FBXL2: variants seen among roughly 807,000 people sequenced by gnomAD.
The protein encoded by FBXL2 is F-box and leucine rich repeat protein 2.
FBXL2 carries 38 observed loss-of-function variants against 69.2 expected under a neutral mutation model. The observed-to-expected ratio is 0.55, with a 90% CI of 0.42 to 0.72. The LOEUF (loss-of-function observed/expected upper bound fraction) is 0.72, where lower values mean the gene tolerates loss of function less well. Among genes scored for constraint, FBXL2 ranks in the 30% least tolerant of loss-of-function variants. FBXL2 has a pLI of 0.00. For synonymous variants in FBXL2, 192 were observed against 201.3 expected (o/e 0.95, Z 0.39); for missense variants, 354 against 520.3 (o/e 0.68, Z 3.11).
At chr3:33,277,323 G>C, upstream of FBXL2, 1 of 441,160 alleles carries the variant, frequency 2.3e-6, no homozygotes, top group Non-Finnish European at 3.8e-6. Flanking sequence ...CCCAGTTCCA[G>C]GGCCGGGGGC....
chr3:33,391,486 C>A (rs116770014), downstream of FBXL2: 6 of 152,198 alleles, frequency 3.9e-5, no homozygotes, highest in Admixed American at 3.3e-4. Flanking sequence ...TCCAAATTTA[C>A]ATCTCAAGCC....
At chr3:33,306,665 AG>A (rs2036747555) in intron 2 of FBXL2, among the ~76,000 whole-genome samples, 1 of 152,152 alleles carries the variant, frequency 6.6e-6, no homozygotes, top group Non-Finnish European at 1.5e-5. Flanking sequence ...GTGTCCTCAC[AG>A]TGCAATTTCA....
chr3:33,283,849 G>A (rs1185914175), intron 1 of FBXL2, among the ~76,000 whole-genome samples: 1 of 152,208 alleles, frequency 6.6e-6, no homozygotes, highest in African/African-American at 2.4e-5. Context: ...GGTGTTTACA[G>A]TATTTTCTGA....
chr3:33,282,005 A>G (rs2034065834), intron 1 of FBXL2, among the ~76,000 whole-genome samples: 1 of 151,912 alleles, frequency 6.6e-6, no homozygotes, highest in South Asian at 2.1e-4. Flanking sequence ...TTGCCTGTTC[A>G]CTCTGATTGT....
rs981421214 is a variant in FBXL2, at chr3:33,277,460, G to A, written c.-53G>A. On this transcript the variant is annotated 5_prime_UTR_variant, in exon 1 of 15. Coordinates refer to ENST00000484457, the MANE Select transcript of FBXL2 (RefSeq NM_012157.5). ...GGCTGGCGTCACCAGGACAACGGGCGTCGCCGGCGCCGTGTGACTTCGGGC... is the reference window on the plus strand; with the variant it reads ...GGCTGGCGTCACCAGGACAACGGGCATCGCCGGCGCCGTGTGACTTCGGGC... 8 of 1,265,826 alleles carry A rather than the reference G, an allele frequency of 6.3e-6. No homozygotes were observed. The African/African-American group carries it at 7.7e-5, about 12-fold the overall frequency. The allele number at this position is 1,265,826 out of a possible 1,614,324, so 78.4% of individuals were successfully genotyped here. A position where few individuals can be genotyped will look rare whatever the true frequency, so the allele number is the denominator to read the frequency against.
Position 33,378,090 on chromosome 3 carries a change from T to C in FBXL2, c.850-13T>C, listed in dbSNP as rs762858574. ...TGACTCACATGTGGGGTGTGTCTTG[T>C]GGACTCTTCCAGAATTGCCACGAAT... On this transcript the variant is annotated splice_polypyrimidine_tract_variant and intron_variant, in intron 11 of 14. Transcript: ENST00000484457. The C allele has an allele frequency of 1.2e-6, 2 of 1,614,162 alleles. No homozygotes were observed. The highest frequency in any genetic ancestry group is 1.7e-6 in the Non-Finnish European group (2 of 1,179,966).
the FBXL2 span, chr3:33,411,777 C>A: frequency 9.7e-7 from 1 of 1,034,462 alleles, no homozygotes; most frequent in Non-Finnish European, 1.5e-6. Flanking sequence ...AATGAAATAA[C>A]TGTAACTGCT....
chr3:33,282,563 G>T (rs2034144639), intron 1 of FBXL2, among the ~76,000 whole-genome samples: 1 of 152,150 alleles, frequency 6.6e-6, no homozygotes, highest in African/African-American at 2.4e-5. Flanking sequence ...CTTTAAAGTA[G>T]TTTTTTCCAA....
intron 1 of FBXL2, among the ~76,000 whole-genome samples, chr3:33,295,571 A>G (rs1390827617): frequency 1.3e-5 from 2 of 152,144 alleles, no homozygotes; most frequent in African/African-American, 2.4e-5. Context: ...TTTTGTATGG[A>G]CATATATTTT....
the FBXL2 span, chr3:33,409,140 A>G: frequency 1.1e-5 from 13 of 1,220,024 alleles, no homozygotes; most frequent in Non-Finnish European, 1.3e-5. Context: ...CTGCCACCCA[A>G]TCTTCCCCAA....
chr3:33,306,644 G>A (rs1411750569), intron 2 of FBXL2, among the ~76,000 whole-genome samples: 2 of 152,064 alleles, frequency 1.3e-5, no homozygotes, highest in Admixed American at 1.3e-4. Context: ...CCCACAGTCT[G>A]GATGCTTATT....
chr3:33,411,753 C>A, the FBXL2 span: 3 of 1,263,514 alleles, frequency 2.4e-6, no homozygotes, highest in Non-Finnish European at 3.5e-6. Context: ...TTACAACTTA[C>A]TATATTATGT....
chr3:33,370,677 A>C (rs2042241941), intron 5 of FBXL2, among the ~76,000 whole-genome samples: 1 of 151,724 alleles, frequency 6.6e-6, no homozygotes, highest in Non-Finnish European at 1.5e-5. Flanking sequence ...GTGCAGTGGC[A>C]CCACCTTGGC....
At position 33,384,167 on chromosome 3, in the gene FBXL2, A is replaced by G. The variant is rs754048674; in HGVS notation, c.1130A>G (p.Gln377Arg). The G allele has an allele frequency of 6.2e-7, 1 of 1,614,172 alleles. No individual in the cohort carries two copies. Among genetic ancestry groups the G allele is most frequent in the Non-Finnish European group, 8.5e-7 (1 of 1,180,026 alleles). ...GLERLELYDC[Q>R]QVTRAGIKRM... ...GAGCGCCTCGAGCTGTACGACTGCC[A>G]GCAGGTTACCCGTGCAGGCATCAAG... Residue 377 changes from glutamine (Q) to arginine (R), a missense_variant, in exon 14 of 15, where the codon CAG becomes CGG. Transcript: ENST00000484457.
At chr3:33,358,889 A>T in intron 2 of FBXL2, 78 bp from the exon 3 acceptor site, 1 of 878,768 alleles carries the variant, frequency 1.1e-6, no homozygotes, top group Admixed American at 2.9e-5. Context: ...GTGGCGGATT[A>T]GAGTTTATCT....
At chr3:33,362,134 G>C (rs1210145862) in intron 4 of FBXL2, among the ~76,000 whole-genome samples, 1 of 152,156 alleles carries the variant, frequency 6.6e-6, no homozygotes, top group Non-Finnish European at 1.5e-5. Context: ...ATGAAGAAAA[G>C]GCAGAGTAAA....
chr3:33,411,717 C>CA, the FBXL2 span: 1 of 1,564,618 alleles, frequency 6.4e-7, no homozygotes. Flanking sequence ...TACATAAAAA[C>CA]ATCCACTTTA....
At chr3:33,292,815 C>T (rs2035369604) in intron 1 of FBXL2, among the ~76,000 whole-genome samples, 1 of 151,490 alleles carries the variant, frequency 6.6e-6, no homozygotes, top group Admixed American at 6.6e-5. Flanking sequence ...AATCAAAAGA[C>T]AGGTTAAAAG....
rs766524057 is a variant in FBXL2, at chr3:33,384,156, G to T, written c.1119G>T (p.Leu373=). Reference sequence around the variant, plus strand: ...GCCGAGGCCTGGAGCGCCTCGAGCTGTACGACTGCCAGCAGGTTACCCGTG... The same window carrying T: ...GCCGAGGCCTGGAGCGCCTCGAGCTTTACGACTGCCAGCAGGTTACCCGTG... ...ENCRGLERLE[L]YDCQQVTRAG... is the part of the protein sequence containing the mutation. The change falls in exon 14 of 15, where the codon CTG becomes CTT. Residue 373 remains leucine, a synonymous_variant. Transcript: ENST00000484457. The T allele has an allele frequency of 2.1e-4, 346 of 1,614,040 alleles. 1 individual carries two copies. The highest frequency in any genetic ancestry group is 2.9e-4 in the Non-Finnish European group (337 of 1,180,038).
Sources: gnomAD v4.1 joint callset for allele counts (sites outside exome capture counted in the v4.1 genomes callset) on GRCh38, gnomAD v4.1.1 for gene constraint, MANE v1.5 for transcripts, NCBI Gene and HGNC (gene_info 2026-07-23, HGNC 2026-07-21) for gene names.